The following SLC35B3 variants were observed in gnomAD, a reference collection of about 807,000 sequenced individuals.
SLC35B3 encodes adenosine 3'-phospho 5'-phosphosulfate transporter 2.
In SLC35B3, 35 loss-of-function variants were observed where a neutral mutation model predicts 44.1. That is an observed-to-expected ratio of 0.79 (90% CI 0.61 to 1.05). The LOEUF (loss-of-function observed/expected upper bound fraction) is 1.05. SLC35B3 is among the 50% of genes least tolerant of loss of function. The pLI, the probability that SLC35B3 is intolerant of heterozygous loss-of-function variation, is 0.00. For synonymous variants in SLC35B3, 146 were observed against 167.3 expected (o/e 0.87, Z 0.98); for missense variants, 414 against 476.4 (o/e 0.87, Z 1.22).
rs1398486702 is a variant in SLC35B3 at position 8,429,758 on chromosome 6, C to T, written c.297+106G>A. The T allele has an allele frequency of 4.0e-6, 3 of 750,674 alleles. No individual in the cohort carries two copies. In the African/African-American group the frequency reaches 5.3e-5, roughly 13 times the overall value. The allele number at this position is 750,674 out of a possible 1,614,324, so 46.5% of individuals were successfully genotyped here. A position where few individuals can be genotyped will look rare whatever the true frequency, so the allele number is the denominator to read the frequency against. ...TACTAAAAAATTCAAATTTATGAAT[C>T]AGCCAGTATCCCCTAAGTGACTATC... On this transcript the variant is annotated intron_variant, in intron 3 of 10. Coordinates refer to ENST00000644923, the MANE Select transcript of SLC35B3 (RefSeq NM_001370476.2).
rs747428042 is a variant in SLC35B3 at position 8,419,704 on chromosome 6, CA to C, written c.683-28del. The C allele has an allele frequency of 1.2e-5, 15 of 1,271,900 alleles. No individual in the cohort carries two copies. The highest frequency in any genetic ancestry group is 5.0e-5 in the East Asian group (2 of 39,872). The allele number at this position is 1,271,900 out of a possible 1,614,324, so 78.8% of individuals were successfully genotyped here. A position where few individuals can be genotyped will look rare whatever the true frequency, so the allele number is the denominator to read the frequency against. On this transcript the variant is annotated intron_variant, in intron 6 of 10. Coordinates refer to ENST00000644923, the MANE Select transcript of SLC35B3 (RefSeq NM_001370476.2). The surrounding 1 kb of genome is among the most constrained non-coding windows in gnomAD (Gnocchi z 4.3). ...TTCAAGAAGGTATTAAAAAAACAAA[CA>C]AAAAAACCCTCCTTATTTAAACATA... is the stretch of plus-strand genomic sequence containing the variant.
chr6:8,427,037 G>GT (rs1763482879), intron 4 of SLC35B3, among the ~76,000 whole-genome samples: 1 of 152,146 alleles, frequency 6.6e-6, no homozygotes, highest in Admixed American at 6.6e-5. Flanking sequence ...ATGATTTAGT[G>GT]TATCTGGTGG....
At chr6:8,427,624 C>T (rs1266470620) in intron 4 of SLC35B3, among the ~76,000 whole-genome samples, 1 of 152,148 alleles carries the variant, frequency 6.6e-6, no homozygotes, top group Non-Finnish European at 1.5e-5. Flanking sequence ...TACTACAAAT[C>T]AGTAACTGCA....
rs184112854 is a variant in SLC35B3 at position 8,417,483 on chromosome 6, C to T, written c.792G>A (p.Ser264=). Residue 264 remains serine, a synonymous_variant, in exon 8 of 11, where the codon TCG becomes TCA. Coordinates refer to ENST00000644923, the MANE Select transcript of SLC35B3 (RefSeq NM_001370476.2). ...AAATGTATACAAAACCAATTGAATA[C>T]GAATACAATACCTAGAGCAGATAAA... 224 of 1,582,396 alleles carry T rather than the reference C, an allele frequency of 1.4e-4. No homozygotes were observed. Among genetic ancestry groups the T allele is most frequent in the Non-Finnish European group, 5.6e-5 (65 of 1,161,776 alleles).
intron 10 of SLC35B3, 121 bp downstream of exon 9, chr6:8,414,787 T>C (rs898394239): frequency 4.2e-6 from 2 of 477,670 alleles, no homozygotes; most frequent in Admixed American, 7.8e-5. Flanking sequence ...TTAATTTATA[T>C]AAAAATAAAT....
chr6:8,416,965 G>T lies in SLC35B3; in HGVS notation c.904C>A (p.Leu302Ile), dbSNP rs143437815. 6.0e-4 allele frequency: 955 copies of T among 1,603,598 alleles called. 3 individuals are homozygous for T. Among genetic ancestry groups the T allele is most frequent in the Admixed American group, 1.5e-3 (89 of 58,480 alleles). The change falls in exon 9 of 11, where the codon CTT becomes ATT. Residue 302 changes from leucine to isoleucine, a missense_variant. Leu to Ile is a conservative substitution (Grantham distance 5). Transcript: ENST00000644923. ...CCAAAATATCCAGTGAGGGAAAAAA[G>T]GAACGCATAACCATAGGTCCGAACT...
intron 9 of SLC35B3, among the ~76,000 whole-genome samples, chr6:8,415,663 A>G (rs2113256489): frequency 6.6e-6 from 1 of 152,306 alleles, no homozygotes; most frequent in Middle Eastern, 3.4e-3. Flanking sequence ...GGCACTTAGT[A>G]ATTTATGCAT....
intron 9 of SLC35B3, among the ~76,000 whole-genome samples, chr6:8,415,798 C>G (rs1014921360): frequency 1.3e-5 from 2 of 152,050 alleles, no homozygotes; most frequent in Non-Finnish European, 2.9e-5. Flanking sequence ...GTTCCCTCTT[C>G]TCCTGCTACT....
chr6:8,428,872 TATAA>T (rs938651783), intron 3 of SLC35B3, among the ~76,000 whole-genome samples: 4 of 152,142 alleles, frequency 2.6e-5, no homozygotes, highest in African/African-American at 7.2e-5. Flanking sequence ...TATCAGTTAT[TATAA>T]ATATTAAAAT....
At position 8,434,049 on chromosome 6, in the gene SLC35B3, T is replaced by TAC. The variant is rs1554122963; in HGVS notation, c.3+335_3+336insGT. Among the ~76,000 whole-genome samples the TAC allele has an allele frequency of 2.7e-5, 4 of 150,162 alleles. No homozygotes were observed. Among genetic ancestry groups the TAC allele is most frequent in the African/African-American group, 9.8e-5 (4 of 40,804 alleles). On this transcript the variant is annotated intron_variant, in intron 2 of 10. Coordinates refer to ENST00000644923, the MANE Select transcript of SLC35B3 (RefSeq NM_001370476.2). This position sits in a 1 kb window ranked among gnomAD's most constrained non-coding sequence, Gnocchi z 6.3. The stretch of plus-strand genomic sequence containing the variant: ...TGAAACTAAAATATATATATATATA[T>TAC]TTTAAAAATCACAGGTGTGTATAAT...
In SLC35B3 at chr6:8,432,193, T is replaced by C. The variant is rs78884044; in HGVS notation, c.4-2036A>G. Among the ~76,000 whole-genome samples the C allele has an allele frequency of 1.3e-5, 2 of 151,960 alleles. No homozygotes were observed. Among genetic ancestry groups the C allele is most frequent in the East Asian group, 3.9e-4 (2 of 5,162 alleles). On this transcript the variant is annotated intron_variant, in intron 2 of 10. Transcript: ENST00000644923. The surrounding 1 kb of genome is among the most constrained non-coding windows in gnomAD (Gnocchi z 4.8). Reference sequence around the variant, plus strand: ...CCTCTTGATACCCTCAAACTTCAGCTTGCAATCACTCACCTTCTGCTTGGA... The same window carrying C: ...CCTCTTGATACCCTCAAACTTCAGCCTGCAATCACTCACCTTCTGCTTGGA...
At position 8,434,301 on chromosome 6, in the gene SLC35B3, AG is replaced by A; in HGVS notation, c.3+83del. On this transcript the variant is annotated intron_variant, in intron 2 of 10. Coordinates refer to ENST00000644923, the MANE Select transcript of SLC35B3 (RefSeq NM_001370476.2). The surrounding 1 kb of genome is among the most constrained non-coding windows in gnomAD (Gnocchi z 6.3). ...AAAAAAAGGTAGAATATGAAAAAAA[AG>A]TCATTACGGTGTCATTAACCTGAAA... 1 of 1,317,984 alleles carries A rather than the reference AG, an allele frequency of 7.6e-7. No homozygotes were observed. Among genetic ancestry groups the A allele is most frequent in the Non-Finnish European group, 1.1e-6 (1 of 923,398 alleles). The allele number at this position is 1,317,984 out of a possible 1,614,324, so 81.6% of individuals were successfully genotyped here. A position where few individuals can be genotyped will look rare whatever the true frequency, so the allele number is the denominator to read the frequency against.
rs775536633 is a variant in SLC35B3 at position 8,420,703 on chromosome 6, TATAA to T, written c.682+14_682+17del. 6.4e-6 allele frequency: 10 copies of T among 1,574,234 alleles called. No homozygotes were observed. Among genetic ancestry groups the T allele is most frequent in the African/African-American group, 1.4e-5 (1 of 73,838 alleles). ...CTAAAAAGCCTATAAAAGCTAGGAATATAAATAAATTACTTACCCGTCAGGTTGA... is the reference window on the plus strand; with the variant it reads ...CTAAAAAGCCTATAAAAGCTAGGAATATAAATTACTTACCCGTCAGGTTGA... On this transcript the variant is annotated intron_variant, in intron 6 of 10. Coordinates refer to ENST00000644923, the MANE Select transcript of SLC35B3 (RefSeq NM_001370476.2). This position sits in a 1 kb window ranked among gnomAD's most constrained non-coding sequence, Gnocchi z 4.4.
In SLC35B3 at chr6:8,434,033, A is replaced by AT. The variant is rs1561768849; in HGVS notation, c.3+351_3+352insA. 4.1e-5 allele frequency among the ~76,000 whole-genome samples: 2 copies of AT among 48,228 alleles called. No homozygotes were observed. Among genetic ancestry groups the AT allele is most frequent in the Non-Finnish European group, 4.2e-5 (1 of 23,728 alleles). The allele number at this position is 48,228 out of a possible 152,430, so 31.6% of individuals were successfully genotyped here. A position where few individuals can be genotyped will look rare whatever the true frequency, so the allele number is the denominator to read the frequency against. The stretch of plus-strand genomic sequence containing the variant: ...AGCTCACAGTAATCAGTGAAACTAA[A>AT]ATATATATATATATATTTTAAAAAT... On this transcript the variant is annotated intron_variant, in intron 2 of 10. Transcript: ENST00000644923. This position sits in a 1 kb window ranked among gnomAD's most constrained non-coding sequence, Gnocchi z 6.3.
chr6:8,428,416 A>G (rs1214578652), intron 3 of SLC35B3, among the ~76,000 whole-genome samples: 1 of 152,186 alleles, frequency 6.6e-6, no homozygotes, highest in Admixed American at 6.5e-5. Flanking sequence ...TGATCAATAA[A>G]TCAAATTGAA....
At chr6:8,414,884 AT>A (rs1561743758) in intron 10 of SLC35B3, 23 bp downstream of exon 9, 1 of 1,402,970 alleles carries the variant, frequency 7.1e-7, no homozygotes, top group East Asian at 2.3e-5. Context: ...ACTGAGAAAA[AT>A]TGTTTAATTA....
At chr6:8,418,631 A>G (rs1762630409) in intron 7 of SLC35B3, among the ~76,000 whole-genome samples, 1 of 152,112 alleles carries the variant, frequency 6.6e-6, no homozygotes, top group East Asian at 1.9e-4. Context: ...TAACTTTAAT[A>G]AGTTATTATT....
chr6:8,432,460 C>T lies in SLC35B3; in HGVS notation c.3+1925G>A, dbSNP rs1007471561. Among the ~76,000 whole-genome samples the T allele has an allele frequency of 2.6e-5, 4 of 151,982 alleles. No individual in the cohort carries two copies. Among genetic ancestry groups the T allele is most frequent in the Non-Finnish European group, 5.9e-5 (4 of 68,008 alleles). ...GAGATGTTTGTAATTTAGTAAACTG[C>T]CAAGCATATTGTAATGACTCAATAC... is the stretch of plus-strand genomic sequence containing the variant. On this transcript the variant is annotated intron_variant, in intron 2 of 10. Coordinates refer to ENST00000644923, the MANE Select transcript of SLC35B3 (RefSeq NM_001370476.2). This position sits in a 1 kb window ranked among gnomAD's most constrained non-coding sequence, Gnocchi z 4.8.
Position 8,412,464 on chromosome 6 carries a change from T to TA in SLC35B3, c.*1084dup, listed in dbSNP as rs1174469852. On this transcript the variant is annotated 3_prime_UTR_variant, in exon 11 of 11. Transcript: ENST00000644923. ...AGACATCAATTACTTTTTCTTCAAT[T>TA]AAAAAAAATCCAATCATGATTCCTT... is the stretch of plus-strand genomic sequence containing the variant. Among the ~76,000 whole-genome samples the TA allele has an allele frequency of 1.3e-5, 2 of 152,058 alleles. No individual in the cohort carries two copies. The highest frequency in any genetic ancestry group is 2.9e-5 in the Non-Finnish European group (2 of 68,002).
Sources: allele counts gnomAD v4.1 joint callset (sites outside exome capture counted in the v4.1 genomes callset), GRCh38; gene constraint gnomAD v4.1.1; non-coding constraint Gnocchi (gnomAD v3.1); transcripts MANE v1.5; gene names NCBI Gene and HGNC (gene_info 2026-07-23, HGNC 2026-07-21).